Variants in MCF2 observed in about 807,000 individuals in gnomAD.
The protein encoded by MCF2 is MCF.2 cell line derived transforming sequence, also known as proto-oncogene DBL.
Under a neutral mutation model 82.5 loss-of-function variants are expected in MCF2, and 44 were observed. The ratio of observed to expected loss-of-function variants is 0.53; its 90% confidence interval spans 0.42 to 0.69. The LOEUF (loss-of-function observed/expected upper bound fraction) is 0.69, where lower values mean the gene tolerates loss of function less well. MCF2 is among the 30% of genes least tolerant of loss of function. The pLI, the probability that MCF2 is intolerant of heterozygous loss-of-function variation, is 0.00. For missense variants in MCF2, 623 were observed against 663.1 expected (o/e 0.94, Z 0.66); for synonymous variants, 217 against 224.9 (o/e 0.96, Z 0.32).
chrX:139,583,539 G>A (rs148656842), intron 24 of MCF2, among the ~76,000 whole-genome samples: 2,736 of 110,890 alleles, frequency 0.025, 40 homozygotes, highest in East Asian at 0.08. Flanking sequence ...TATAAGTGGG[G>A]GCTAAGCATT....
At chrX:139,618,658 T>C (rs763637657) in intron 7 of MCF2, among the ~76,000 whole-genome samples, 1 of 111,625 alleles carries the variant, frequency 9.0e-6, no homozygotes, top group Non-Finnish European at 1.9e-5. Context: ...TAACTGTTGC[T>C]TCTTCAATAT....
intron 2 of MCF2, among the ~76,000 whole-genome samples, chrX:139,649,676 C>A (rs1326272620): frequency 8.9e-6 from 1 of 111,799 alleles, no homozygotes; most frequent in Non-Finnish European, 1.9e-5. Flanking sequence ...GAGATATTTA[C>A]ATTCCAAATC....
chrX:139,655,597 T>C (rs1337870205), intron 1 of MCF2, among the ~76,000 whole-genome samples: 1 of 111,498 alleles, frequency 9.0e-6, no homozygotes, highest in African/African-American at 3.3e-5. Context: ...TGTATACATG[T>C]GCCATGTTGG....
intron 1 of MCF2, among the ~76,000 whole-genome samples, chrX:139,687,731 T>TTA (rs1935160298): frequency 8.9e-6 from 1 of 112,549 alleles, no homozygotes; most frequent in African/African-American, 3.2e-5. Context: ...ATTTCACATG[T>TTA]TATTATGCCT....
intron 24 of MCF2, 143 bp from the exon 29 acceptor site, chrX:139,582,646 T>C: frequency 2.5e-6 from 1 of 397,173 alleles, no homozygotes; most frequent in South Asian, 6.2e-5. Flanking sequence ...ATGTTTTCCT[T>C]AGTAGCACAT....
intron 1 of MCF2, among the ~76,000 whole-genome samples, chrX:139,659,789 T>C (rs1242895348): frequency 8.9e-6 from 1 of 112,100 alleles, no homozygotes; most frequent in Non-Finnish European, 1.9e-5. Flanking sequence ...GCCAGAAAGA[T>C]AGTCTCTTCC....
intron 1 of MCF2, among the ~76,000 whole-genome samples, chrX:139,665,099 G>A (rs1374624441): frequency 9.0e-6 from 1 of 111,295 alleles, no homozygotes; most frequent in Non-Finnish European, 1.9e-5. Flanking sequence ...TCAAGTGGAA[G>A]GAAGAGGTCT....
At chrX:139,605,722 A>G (rs754504555) in exon 13 of MCF2, 3 of 1,200,300 alleles carry the variant, frequency 2.5e-6, no homozygotes, top group South Asian at 3.6e-5. Context: ...CCAACAAAAC[A>G]GTATACAGTT....
rs1483595816 is a variant in MCF2, at chrX:139,605,697, A to C, written c.1557+16T>G. The stretch of plus-strand genomic sequence containing the variant: ...ATTCGGGAAAAGATAGGGCAAATAC[A>C]ATTTGAGTCGCTTACCAACAAAACA... On this transcript the variant is annotated intron_variant, in intron 13 of 24. Transcript: ENST00000370576. 8.4e-7 allele frequency: 1 copy of C among 1,187,948 alleles called. No individual in the cohort carries two copies. The highest frequency in any genetic ancestry group is 1.1e-6 in the Non-Finnish European group (1 of 880,017).
chrX:139,640,465 T>C (rs959540276), intron 1 of MCF2, among the ~76,000 whole-genome samples: 1 of 111,800 alleles, frequency 8.9e-6, no homozygotes, highest in African/African-American at 3.2e-5. Context: ...GTCAGGAGGA[T>C]AGCCCAAAGC....
chrX:139,651,034 G>A (rs1396386809), intron 2 of MCF2, among the ~76,000 whole-genome samples: 1 of 110,913 alleles, frequency 9.0e-6, no homozygotes, highest in East Asian at 2.8e-4. Context: ...GAGAGAGGAA[G>A]GAATGAAACG....
At chrX:139,698,447 G>A (rs956560877) in intron 1 of MCF2, among the ~76,000 whole-genome samples, 1 of 112,005 alleles carries the variant, frequency 8.9e-6, no homozygotes, top group African/African-American at 3.2e-5. Flanking sequence ...TTTAGGCTCA[G>A]TGAAATGGGA....
chrX:139,602,255 G>A (rs1930611820), intron 16 of MCF2, 151 bp downstream of exon 20: 4 of 464,954 alleles, frequency 8.6e-6, no homozygotes, highest in Non-Finnish European at 1.5e-5. Context: ...AAATGTGTTT[G>A]TGTGTGTTGG....
chrX:139,642,766 T>A, exon 1 of MCF2: 1 of 1,037,227 alleles, frequency 9.6e-7, no homozygotes, highest in Non-Finnish European at 1.2e-6. Flanking sequence ...GTTAACACAT[T>A]CCTCCAATTA....
intron 20 of MCF2, among the ~76,000 whole-genome samples, chrX:139,588,893 G>A (rs765729436): frequency 1.8e-5 from 2 of 109,157 alleles, no homozygotes; most frequent in Admixed American, 9.9e-5. Flanking sequence ...TCACACCACT[G>A]CACTCCAGCC....
chrX:139,700,899 T>G (rs771425880), intron 1 of MCF2, among the ~76,000 whole-genome samples: 4 of 111,618 alleles, frequency 3.6e-5, no homozygotes, highest in Non-Finnish European at 7.5e-5. Context: ...AAGGGAAGCC[T>G]TGCGATTTGG....
chrX:139,598,154 G>A (rs923891365), intron 17 of MCF2, among the ~76,000 whole-genome samples: 6 of 111,535 alleles, frequency 5.4e-5, no homozygotes, highest in African/African-American at 1.6e-4. Flanking sequence ...AACATTGTGC[G>A]GAAATCAACA....
chrX:139,660,505 T>C (rs1419326490), intron 1 of MCF2, among the ~76,000 whole-genome samples: 1 of 112,472 alleles, frequency 8.9e-6, no homozygotes, highest in Non-Finnish European at 1.9e-5. Flanking sequence ...TCTATGTGTG[T>C]ATTTTTTTCC....
chrX:139,645,916 T>G (rs1299763921), upstream of MCF2, among the ~76,000 whole-genome samples: 1 of 111,459 alleles, frequency 9.0e-6, no homozygotes, highest in Non-Finnish European at 1.9e-5. Context: ...TGAAGATAGG[T>G]CACTAAAATT....
Sources: gnomAD v4.1 joint callset for allele counts (sites outside exome capture counted in the v4.1 genomes callset) on GRCh38, gnomAD v4.1.1 for gene constraint, MANE v1.5 for transcripts, NCBI Gene and HGNC (gene_info 2026-07-23, HGNC 2026-07-21) for gene names.